The following RORA variants were observed in gnomAD, a reference collection of about 807,000 sequenced individuals.
The protein encoded by RORA is nuclear receptor ROR-alpha.
In RORA, 7 loss-of-function variants were observed where a neutral mutation model predicts 69.5. The ratio of observed to expected loss-of-function variants is 0.10; its 90% confidence interval spans 0.06 to 0.19. The LOEUF (loss-of-function observed/expected upper bound fraction) is 0.19, where lower values mean the gene tolerates loss of function less well. Among genes scored for constraint, RORA ranks in the 10% least tolerant of loss-of-function variants. The pLI, the probability that RORA is intolerant of heterozygous loss-of-function variation, is 1.00. For synonymous variants in RORA, 261 were observed against 240.8 expected (o/e 1.08, Z -0.78); for missense variants, 457 against 663.0 (o/e 0.69, Z 3.41).
At chr15:61,179,063 G>A (rs967987394) in intron 1 of RORA, among the ~76,000 whole-genome samples, 11 of 152,082 alleles carry the variant, frequency 7.2e-5, no homozygotes, top group African/African-American at 1.2e-4. Flanking sequence ...CTCCTCTGCC[G>A]GGATGTAATA....
chr15:61,198,041 T>G (rs2079860854), intron 1 of RORA, among the ~76,000 whole-genome samples: 1 of 152,130 alleles, frequency 6.6e-6, no homozygotes, highest in South Asian at 2.1e-4. Context: ...TTCCACTCTG[T>G]TTTATAAACG....
chr15:60,660,076 T>C (rs1324880656), intron 2 of RORA, among the ~76,000 whole-genome samples: 1 of 152,236 alleles, frequency 6.6e-6, no homozygotes, highest in African/African-American at 2.4e-5. Flanking sequence ...TAAAAATTTT[T>C]TTTTCTTTCA....
At chr15:60,827,511 C>T (rs548774609) in intron 1 of RORA, among the ~76,000 whole-genome samples, 1 of 152,282 alleles carries the variant, frequency 6.6e-6, no homozygotes, top group Non-Finnish European at 1.5e-5. Flanking sequence ...TGTTTTATAA[C>T]CATAATGTAA....
At chr15:60,938,780 T>C (rs1203514412) in intron 1 of RORA, among the ~76,000 whole-genome samples, 1 of 152,184 alleles carries the variant, frequency 6.6e-6, no homozygotes, top group Admixed American at 6.5e-5. Context: ...TGATAATTGG[T>C]GCATTTAGAA....
intron 1 of RORA, among the ~76,000 whole-genome samples, chr15:60,705,730 T>A (rs1233651882): frequency 6.6e-6 from 1 of 152,176 alleles, no homozygotes; most frequent in Admixed American, 6.5e-5. Context: ...TAAAATTTTT[T>A]AAAATATATA....
intron 1 of RORA, among the ~76,000 whole-genome samples, chr15:60,696,744 T>C (rs2070912843): frequency 6.6e-6 from 1 of 152,202 alleles, no homozygotes; most frequent in Non-Finnish European, 1.5e-5. Flanking sequence ...GAGCCAAAAT[T>C]CTAGGAAAAG....
chr15:60,815,202 C>T (rs2072792818), intron 1 of RORA, among the ~76,000 whole-genome samples: 1 of 152,050 alleles, frequency 6.6e-6, no homozygotes, highest in African/African-American at 2.4e-5. Context: ...TGGATGTCCT[C>T]CATGGGCACA....
chr15:60,516,201 ATATATATT>A (rs1358724545), intron 3 of RORA, among the ~76,000 whole-genome samples: 1 of 31,258 alleles, frequency 3.2e-5, no homozygotes, highest in African/African-American at 2.4e-4. Flanking sequence ...ATATATTTAT[ATATATATT>A]TATATATATA....
chr15:60,831,092 C>T (rs2073036311), intron 1 of RORA, among the ~76,000 whole-genome samples: 1 of 152,194 alleles, frequency 6.6e-6, no homozygotes, highest in African/African-American at 2.4e-5. Context: ...AGGGCCTTTA[C>T]AGTTTGGGGA....
At chr15:60,994,118 G>T (rs1351255325) in intron 1 of RORA, among the ~76,000 whole-genome samples, 1 of 152,182 alleles carries the variant, frequency 6.6e-6, no homozygotes, top group Non-Finnish European at 1.5e-5. Context: ...GGACAAACAG[G>T]TTTATCTCTG....
At chr15:61,004,903 A>G (rs1386824024) in intron 1 of RORA, among the ~76,000 whole-genome samples, 2 of 152,208 alleles carry the variant, frequency 1.3e-5, no homozygotes, top group African/African-American at 4.8e-5. Flanking sequence ...GATAATACCA[A>G]TGTTGATGAA....
intron 1 of RORA, among the ~76,000 whole-genome samples, chr15:60,899,870 A>C (rs188441542): frequency 8.5e-5 from 13 of 152,360 alleles, no homozygotes; most frequent in African/African-American, 2.9e-4. Flanking sequence ...GATGCTGTTA[A>C]GGCCTTCCCT....
At chr15:60,552,997 C>A (rs1167159442) in intron 2 of RORA, among the ~76,000 whole-genome samples, 1 of 152,130 alleles carries the variant, frequency 6.6e-6, no homozygotes, top group Non-Finnish European at 1.5e-5. Flanking sequence ...AGTTATTTAA[C>A]CTCTCCAAAC....
chr15:60,523,047 A>C (rs900526199), intron 3 of RORA, among the ~76,000 whole-genome samples: 5 of 135,534 alleles, frequency 3.7e-5, no homozygotes, highest in African/African-American at 1.5e-4. Context: ...CAAAAAAAAA[A>C]CACAAAAAAA....
At chr15:61,026,037 T>C (rs753803475) in intron 1 of RORA, among the ~76,000 whole-genome samples, 7 of 152,218 alleles carry the variant, frequency 4.6e-5, no homozygotes, top group Non-Finnish European at 1.0e-4. Flanking sequence ...ACATTTTCCA[T>C]GAACATTAAA....
intron 2 of RORA, among the ~76,000 whole-genome samples, chr15:60,631,672 C>T (rs977067820): frequency 1.3e-5 from 2 of 152,088 alleles, no homozygotes; most frequent in Non-Finnish European, 2.9e-5. Context: ...GTTTTAACAT[C>T]GGAGGGGAAA....
At chr15:61,192,998 G>A (rs948271333) in intron 1 of RORA, among the ~76,000 whole-genome samples, 8 of 152,130 alleles carry the variant, frequency 5.3e-5, no homozygotes, top group Admixed American at 5.2e-4. Context: ...AACCTTCAAC[G>A]ACTCTCTGTT....
chr15:60,769,381 A>G (rs2072039245), intron 1 of RORA, among the ~76,000 whole-genome samples: 1 of 152,150 alleles, frequency 6.6e-6, no homozygotes, highest in South Asian at 2.1e-4. Context: ...GGGAATCTGG[A>G]CTAGTAATAT....
intron 1 of RORA, among the ~76,000 whole-genome samples, chr15:60,889,912 A>T (rs2073795321): frequency 6.6e-6 from 1 of 152,266 alleles, no homozygotes. Context: ...TAACTTAAAA[A>T]TATAAAATTA....
Sources: gnomAD v4.1 joint callset for allele counts (sites outside exome capture counted in the v4.1 genomes callset) on GRCh38, gnomAD v4.1.1 for gene constraint, MANE v1.5 for transcripts, NCBI Gene and HGNC (gene_info 2026-07-23, HGNC 2026-07-21) for gene names.